PGS1: variants seen among roughly 807,000 people sequenced by gnomAD.
The protein encoded by PGS1 is phosphatidylglycerophosphate synthase 1.
Under a neutral mutation model 58.3 loss-of-function variants are expected in PGS1, and 44 were observed. That is an observed-to-expected ratio of 0.75 (90% CI 0.59 to 0.97). The LOEUF is 0.97. Ranked by LOEUF, PGS1 falls within the 50% of genes least tolerant of loss-of-function variation. PGS1 has a pLI of 0.00. For missense variants in PGS1, 684 were observed against 731.1 expected (o/e 0.94, Z 0.74); for synonymous variants, 330 against 311.0 (o/e 1.06, Z -0.64).
intron 7 of PGS1, among the ~76,000 whole-genome samples, chr17:78,410,620 C>A (rs1028196830): frequency 6.6e-6 from 1 of 151,692 alleles, no homozygotes; most frequent in Non-Finnish European, 1.5e-5. Flanking sequence ...ATTACAGGCA[C>A]GCACCAGAAT....
chr17:78,419,483 C>T (rs979130392), intron 8 of PGS1, 63 bp from the exon 9 acceptor site: 2 of 1,459,764 alleles, frequency 1.4e-6, no homozygotes, highest in African/African-American at 1.4e-5. Flanking sequence ...CTGGGGCCAG[C>T]CGGCCATGTG....
intron 8 of PGS1, among the ~76,000 whole-genome samples, chr17:78,417,486 C>T (rs1340715264): frequency 1.3e-5 from 2 of 151,970 alleles, no homozygotes; most frequent in East Asian, 1.9e-4. Flanking sequence ...GTAATGAAGT[C>T]GGGGCCTGGC....
intron 2 of PGS1, 53 bp downstream of exon 2, chr17:78,392,718 G>C (rs757896488): frequency 2.8e-6 from 4 of 1,450,090 alleles, no homozygotes; most frequent in Non-Finnish European, 3.8e-6. Flanking sequence ...GGGGGATCAG[G>C]TTGGTGAGTC....
At position 78,424,278 on chromosome 17, in the gene PGS1, A is replaced by AG. The variant is rs1430026500; in HGVS notation, c.*230dup. ...GCTGGGCTCTACCCCAAAAGGCTTC[A>AG]GGCCAGCTGCCACGGCTGGAAGCAG... is the stretch of plus-strand genomic sequence containing the variant. On this transcript the variant is annotated 3_prime_UTR_variant, in exon 10 of 10. Coordinates refer to ENST00000262764, the MANE Select transcript of PGS1 (RefSeq NM_024419.5). 1.3e-5 allele frequency: 17 copies of AG among 1,272,370 alleles called. No homozygotes were observed. The highest frequency in any genetic ancestry group is 1.1e-6 in the Non-Finnish European group (1 of 948,554). 78.8% of individuals were successfully genotyped at this position (1,272,370 alleles called of 1,614,324 possible). A position where few individuals can be genotyped will look rare whatever the true frequency, so the allele number is the denominator to read the frequency against.
At chr17:78,379,879 T>TC (rs1037084855) in intron 1 of PGS1, among the ~76,000 whole-genome samples, 104 of 152,040 alleles carry the variant, frequency 6.8e-4, no homozygotes, top group African/African-American at 2.4e-3. Flanking sequence ...TCTTTTCTTT[T>TC]TTTTTTGAGA....
chr17:78,388,879 T>C (rs1309969063), intron 1 of PGS1, among the ~76,000 whole-genome samples: 1 of 152,074 alleles, frequency 6.6e-6, no homozygotes, highest in Non-Finnish European at 1.5e-5. Flanking sequence ...GTCAGGTGTG[T>C]AAGTCTGTGA....
At chr17:78,398,476 C>A in intron 4 of PGS1, 125 bp downstream of exon 4, 1 of 703,566 alleles carries the variant, frequency 1.4e-6, no homozygotes, top group Non-Finnish European at 2.5e-6. Flanking sequence ...CCAAGCTGGC[C>A]CAGGGCTGCC....
intron 7 of PGS1, among the ~76,000 whole-genome samples, chr17:78,411,617 T>C (rs1308594040): frequency 6.6e-6 from 1 of 152,142 alleles, no homozygotes; most frequent in African/African-American, 2.4e-5. Context: ...GCTTCCTCCC[T>C]CCCCAGGCTA....
chr17:78,406,326 A>G (rs1337849691), intron 7 of PGS1, among the ~76,000 whole-genome samples: 1 of 149,650 alleles, frequency 6.7e-6, no homozygotes, highest in Non-Finnish European at 1.5e-5. Flanking sequence ...TCAAAAAAAG[A>G]AAAAAAAAAC....
intron 1 of PGS1, among the ~76,000 whole-genome samples, chr17:78,390,908 T>A (rs1488398242): frequency 6.6e-6 from 1 of 152,102 alleles, no homozygotes; most frequent in Non-Finnish European, 1.5e-5. Context: ...ACAGGATGTG[T>A]CTGATGGTGA....
Position 78,424,499 on chromosome 17 carries a change from A to T in PGS1, c.*449A>T. Reference sequence around the variant, plus strand: ...TACAGAGTAAAGTTCCCTGATTCTTAATGTGTAATGTCTGCCCTATGTGTA... The same window carrying T: ...TACAGAGTAAAGTTCCCTGATTCTTTATGTGTAATGTCTGCCCTATGTGTA... On this transcript the variant is annotated 3_prime_UTR_variant, in exon 10 of 10. Coordinates refer to ENST00000262764, the MANE Select transcript of PGS1 (RefSeq NM_024419.5). 1 of 283,614 alleles carries T rather than the reference A, an allele frequency of 3.5e-6. No homozygotes were observed. The highest frequency in any genetic ancestry group is 6.7e-6 in the Non-Finnish European group (1 of 148,542). The allele number at this position is 283,614 out of a possible 1,614,324, so 17.6% of individuals were successfully genotyped here. A position where few individuals can be genotyped will look rare whatever the true frequency, so the allele number is the denominator to read the frequency against.
chr17:78,418,736 G>A (rs573096614), intron 8 of PGS1, among the ~76,000 whole-genome samples: 32 of 152,264 alleles, frequency 2.1e-4, no homozygotes, highest in African/African-American at 7.2e-4. Flanking sequence ...TGTTGCCAGA[G>A]CTCACTCTAG....
At chr17:78,396,521 C>T in intron 3 of PGS1, 136 bp downstream of exon 3, 3 of 657,436 alleles carry the variant, frequency 4.6e-6, no homozygotes, top group Non-Finnish European at 7.9e-6. Flanking sequence ...GTTTTTGTTG[C>T]CCCAGATATG....
intron 3 of PGS1, among the ~76,000 whole-genome samples, chr17:78,397,304 G>A (rs1353519534): frequency 6.6e-6 from 1 of 152,124 alleles, no homozygotes; most frequent in East Asian, 1.9e-4. Context: ...CGGGCCCATT[G>A]CCCAGAGTTA....
intron 9 of PGS1, among the ~76,000 whole-genome samples, chr17:78,422,203 G>GTGA (rs2085873722): frequency 6.6e-6 from 1 of 152,128 alleles, no homozygotes; most frequent in Non-Finnish European, 1.5e-5. Flanking sequence ...AAGGGCTGCA[G>GTGA]TGACCCCTCC....
At chr17:78,398,408 A>G in intron 4 of PGS1, 57 bp downstream of exon 4, 1 of 1,198,752 alleles carries the variant, frequency 8.3e-7, no homozygotes, top group African/African-American at 1.5e-5. Context: ...CTCAGTCCCA[A>G]GAGGGGTTAC....
intron 2 of PGS1, among the ~76,000 whole-genome samples, chr17:78,395,391 T>C (rs1376851837): frequency 6.6e-6 from 1 of 152,210 alleles, no homozygotes; most frequent in Non-Finnish European, 1.5e-5. Context: ...TGATTGTTCA[T>C]GTTTCTGTCT....
chr17:78,397,909 G>A (rs1478260638), intron 3 of PGS1, among the ~76,000 whole-genome samples: 12 of 152,242 alleles, frequency 7.9e-5, no homozygotes, highest in Admixed American at 7.8e-4. Context: ...GGGCACTGTT[G>A]GTTGTGTCTG....
intron 2 of PGS1, among the ~76,000 whole-genome samples, chr17:78,395,390 A>T (rs2083155890): frequency 6.6e-6 from 1 of 152,054 alleles, no homozygotes; most frequent in Non-Finnish European, 1.5e-5. Context: ...GTGATTGTTC[A>T]TGTTTCTGTC....
Sources: allele counts gnomAD v4.1 joint callset (sites outside exome capture counted in the v4.1 genomes callset), GRCh38; gene constraint gnomAD v4.1.1; transcripts MANE v1.5; gene names NCBI Gene and HGNC (gene_info 2026-07-23, HGNC 2026-07-21).